TMCO6: variants seen among roughly 807,000 people sequenced by gnomAD.
TMCO6 encodes the protein transmembrane and coiled-coil domains 6.
A neutral mutation model predicts 61.8 loss-of-function variants in TMCO6; 47 were observed. The observed-to-expected ratio is 0.76, with a 90% CI of 0.60 to 0.97. The LOEUF (loss-of-function observed/expected upper bound fraction) is 0.97, where lower values mean the gene tolerates loss of function less well. Among genes scored for constraint, TMCO6 ranks in the 50% least tolerant of loss-of-function variants. The pLI, the probability that TMCO6 is intolerant of heterozygous loss-of-function variation, is 0.00. For synonymous variants in TMCO6, 261 were observed against 254.2 expected (o/e 1.03, Z -0.25); for missense variants, 557 against 601.6 (o/e 0.93, Z 0.78).
chr5:140,645,495 T>G, downstream of TMCO6: 2 of 1,504,044 alleles, frequency 1.3e-6, no homozygotes, highest in Non-Finnish European at 1.8e-6. Context: ...ACAAGCTTTA[T>G]GAGGAATAGG....
the TMCO6 span, among the ~76,000 whole-genome samples, chr5:140,599,904 T>C: frequency 6.6e-6 from 1 of 150,812 alleles, no homozygotes; most frequent in Non-Finnish European, 1.5e-5. Context: ...CAAGGCTCCA[T>C]CTCAAATAAA....
At chr5:140,607,583 G>A in the TMCO6 span, among the ~76,000 whole-genome samples, 1 of 151,960 alleles carries the variant, frequency 6.6e-6, no homozygotes, top group African/African-American at 2.4e-5. Context: ...GGATTATATG[G>A]TAAAATTAAT....
At chr5:140,633,163 G>T in the TMCO6 span, 2 of 1,541,854 alleles carry the variant, frequency 1.3e-6, no homozygotes, top group Non-Finnish European at 1.8e-6. Flanking sequence ...CGGCTTCCAG[G>T]CTTCACACTT....
chr5:140,622,553 A>G, the TMCO6 span, among the ~76,000 whole-genome samples: 1 of 152,130 alleles, frequency 6.6e-6, no homozygotes, highest in South Asian at 2.1e-4. Context: ...CCATCTGCAA[A>G]AGGATGTTAT....
the TMCO6 span, among the ~76,000 whole-genome samples, chr5:140,603,679 T>A: frequency 5.5e-5 from 2 of 36,116 alleles, no homozygotes; most frequent in Non-Finnish European, 1.3e-4. Flanking sequence ...ATATTTGGGG[T>A]TTTTTTTTGC....
chr5:140,632,199 C>T, the TMCO6 span: 1 of 1,613,576 alleles, frequency 6.2e-7, no homozygotes. The surrounding 1 kb of genome is among the most constrained non-coding windows in gnomAD (Gnocchi z 6.2). Context: ...TACGGTGGCG[C>T]GCAGCGAGTT....
Position 140,644,979 on chromosome 5 carries a change from C to A in TMCO6, c.1369-6C>A, listed in dbSNP as rs200998664. On this transcript the variant is annotated splice_region_variant and splice_polypyrimidine_tract_variant and intron_variant, in intron 11 of 11. Transcript: ENST00000394671. ...AGGTGTGTTGAATTTTCTTCCCTGC[C>A]CCTAGGCTGTTCAGGTCTTCCTGCA... 328 of 1,613,780 alleles carry A rather than the reference C, an allele frequency of 2.0e-4. No homozygotes were observed. Among genetic ancestry groups the A allele is most frequent in the Non-Finnish European group, 1.5e-4 (172 of 1,179,830 alleles).
At chr5:140,633,021 C>T in the TMCO6 span, 3 of 1,614,178 alleles carry the variant, frequency 1.9e-6, no homozygotes, top group Non-Finnish European at 2.5e-6. Flanking sequence ...CATCCAACCC[C>T]TGTGGCTCCC....
the TMCO6 span, among the ~76,000 whole-genome samples, chr5:140,624,189 A>G: frequency 6.6e-6 from 1 of 151,886 alleles, no homozygotes; most frequent in Non-Finnish European, 1.5e-5. Context: ...AAATGGTGAA[A>G]CCCCGTCTCT....
At chr5:140,634,845 C>T (rs1333144609), upstream of TMCO6, among the ~76,000 whole-genome samples, 3 of 150,896 alleles carry the variant, frequency 2.0e-5, no homozygotes, top group Admixed American at 1.3e-4. Flanking sequence ...AGGCTGGGCG[C>T]GATCTCAGCT....
chr5:140,646,961 G>T (rs1757438705), downstream of TMCO6: 2 of 316,030 alleles, frequency 6.3e-6, no homozygotes, highest in Non-Finnish European at 1.2e-5. Flanking sequence ...ACGTTATTTG[G>T]AGAAACTATA....
chr5:140,646,920 C>T (rs1046102119), downstream of TMCO6: 2 of 224,648 alleles, frequency 8.9e-6, no homozygotes, highest in South Asian at 1.7e-4. Flanking sequence ...TACTGAGATT[C>T]TCACACACTA....
At chr5:140,607,164 G>A in the TMCO6 span, among the ~76,000 whole-genome samples, 2 of 152,052 alleles carry the variant, frequency 1.3e-5, no homozygotes, top group Non-Finnish European at 2.9e-5. Context: ...ATCCTAAACA[G>A]AAACTCTGTA....
At chr5:140,604,734 G>GTTAATT in the TMCO6 span, among the ~76,000 whole-genome samples, 1 of 145,084 alleles carries the variant, frequency 6.9e-6, no homozygotes, top group Non-Finnish European at 1.5e-5. Flanking sequence ...TCTATTTTGA[G>GTTAATT]TTAATTTTTG....
chr5:140,604,268 T>C, the TMCO6 span, among the ~76,000 whole-genome samples: 7 of 151,898 alleles, frequency 4.6e-5, no homozygotes, highest in Non-Finnish European at 1.0e-4. Flanking sequence ...GGTAGTGTGC[T>C]CCTGTAGTAA....
the TMCO6 span, among the ~76,000 whole-genome samples, chr5:140,598,946 A>C: frequency 6.6e-6 from 1 of 151,970 alleles, no homozygotes; most frequent in African/African-American, 2.4e-5. Context: ...AAAAACAAAA[A>C]AACCAAAAAA....
rs374988816 is a variant in TMCO6, at chr5:140,642,904, C to T, written c.690-21C>T. On this transcript the variant is annotated intron_variant, in intron 6 of 11. Transcript: ENST00000394671. ...CTGGCATCTTCGTGGTTCCTACTTA[C>T]AGCCCTGCTTCTGCCAGCAGCTCCA... The T allele has an allele frequency of 5.0e-6, 8 of 1,614,042 alleles. No homozygotes were observed. The African/African-American group carries it at 1.1e-4, about 22-fold the overall frequency.
chr5:140,607,282 A>C, the TMCO6 span, among the ~76,000 whole-genome samples: 5 of 152,210 alleles, frequency 3.3e-5, no homozygotes, highest in Non-Finnish European at 7.3e-5. Context: ...GCATAAGTGG[A>C]ATCATACAAT....
At chr5:140,645,898 C>T (rs1393142615), downstream of TMCO6, among the ~76,000 whole-genome samples, 1 of 152,062 alleles carries the variant, frequency 6.6e-6, no homozygotes, top group Non-Finnish European at 1.5e-5. Context: ...TCTGGATGGC[C>T]GCAATGGGTT....
Sources: allele counts gnomAD v4.1 joint callset (sites outside exome capture counted in the v4.1 genomes callset), GRCh38; gene constraint gnomAD v4.1.1; non-coding constraint Gnocchi (gnomAD v3.1); transcripts MANE v1.5; gene names NCBI Gene and HGNC (gene_info 2026-07-23, HGNC 2026-07-21).